PPARGC1A: variants seen among roughly 807,000 people sequenced by gnomAD.
PPARGC1A encodes the protein peroxisome proliferator-activated receptor gamma coactivator 1-alpha.
A neutral mutation model predicts 88.7 loss-of-function variants in PPARGC1A; 25 were observed. The ratio of observed to expected loss-of-function variants is 0.28; its 90% CI spans 0.21 to 0.39. The LOEUF (loss-of-function observed/expected upper bound fraction) is 0.39. PPARGC1A is among the 10% of genes least tolerant of loss of function. The pLI, the probability that PPARGC1A is intolerant of heterozygous loss-of-function variation, is 1.00. For synonymous variants in PPARGC1A, 363 were observed against 355.6 expected, an observed-to-expected ratio of 1.02 and a Z score of -0.24; for missense variants, 880 against 968.7, an observed-to-expected ratio of 0.91 and a Z score of 1.22.
chr4:24,321,001 C>T, the PPARGC1A span, among the ~76,000 whole-genome samples: 1 of 152,106 alleles, frequency 6.6e-6, no homozygotes, highest in Non-Finnish European at 1.5e-5. Flanking sequence ...TTTTCTCTCA[C>T]CGAGTCCCAG....
intron 2 of PPARGC1A, among the ~76,000 whole-genome samples, chr4:23,834,522 A>G (rs1390526629): frequency 1.3e-5 from 2 of 151,734 alleles, no homozygotes; most frequent in Non-Finnish European, 2.9e-5. Context: ...CTAGTTTAGG[A>G]GGCAAATCCT....
the PPARGC1A span, among the ~76,000 whole-genome samples, chr4:24,432,464 GCAAATCAGATAGA>G: frequency 6.6e-6 from 1 of 152,156 alleles, no homozygotes; most frequent in Non-Finnish European, 1.5e-5. Flanking sequence ...AAGACTTAGC[GCAAATCAGATAGA>G]CTGACTTCAT....
chr4:24,164,492 C>A, the PPARGC1A span, among the ~76,000 whole-genome samples: 1 of 152,202 alleles, frequency 6.6e-6, no homozygotes, highest in Admixed American at 6.5e-5. Flanking sequence ...CAGAGACTGA[C>A]AGCTTTGAGC....
chr4:24,219,527 C>T, the PPARGC1A span, among the ~76,000 whole-genome samples: 1 of 152,192 alleles, frequency 6.6e-6, no homozygotes, highest in Non-Finnish European at 1.5e-5. Context: ...AAGATAAAGC[C>T]TCAGGGGAGG....
chr4:24,388,266 T>A, the PPARGC1A span, among the ~76,000 whole-genome samples: 1 of 152,078 alleles, frequency 6.6e-6, no homozygotes, highest in Non-Finnish European at 1.5e-5. Flanking sequence ...AAAACCATAA[T>A]AAGATACCAT....
the PPARGC1A span, among the ~76,000 whole-genome samples, chr4:23,984,982 A>G: frequency 2.6e-3 from 402 of 152,220 alleles, 3 homozygotes; most frequent in African/African-American, 8.9e-3. Flanking sequence ...ACGCAATGCC[A>G]TCTAAGGCTG....
intron 2 of PPARGC1A, 177 bp downstream of exon 2, chr4:23,884,575 C>A: frequency 1.9e-6 from 1 of 520,064 alleles, no homozygotes; most frequent in South Asian, 5.9e-5. Flanking sequence ...AAAATAAAAA[C>A]AAAACATTTG....
the PPARGC1A span, among the ~76,000 whole-genome samples, chr4:23,945,150 C>T: frequency 2.0e-5 from 3 of 152,074 alleles, no homozygotes; most frequent in Admixed American, 6.6e-5. Context: ...CTCTCTATCA[C>T]TCAGATGGAG....
the PPARGC1A span, among the ~76,000 whole-genome samples, chr4:23,915,828 G>A: frequency 2.2e-3 from 340 of 152,250 alleles, 2 homozygotes; most frequent in African/African-American, 7.7e-3. Context: ...AAAATAAAAG[G>A]CACATGCAAA....
chr4:23,821,896 A>T (rs2970853), intron 7 of PPARGC1A, among the ~76,000 whole-genome samples: 2 of 151,754 alleles, frequency 1.3e-5, no homozygotes, highest in Non-Finnish European at 2.9e-5. Flanking sequence ...AAGCTATGCC[A>T]TCTGCTCTTT....
At chr4:24,094,764 G>A in the PPARGC1A span, among the ~76,000 whole-genome samples, 6 of 151,974 alleles carry the variant, frequency 3.9e-5, no homozygotes, top group South Asian at 1.2e-3. Flanking sequence ...TTATTAAACA[G>A]CATAGCTTTT....
chr4:24,018,111 A>C, the PPARGC1A span, among the ~76,000 whole-genome samples: 1 of 152,232 alleles, frequency 6.6e-6, no homozygotes, highest in Admixed American at 6.5e-5. Context: ...AAGAAAATTA[A>C]GGGACTTGGC....
At chr4:24,381,738 A>C in the PPARGC1A span, among the ~76,000 whole-genome samples, 2 of 152,246 alleles carry the variant, frequency 1.3e-5, no homozygotes, top group Admixed American at 6.5e-5. Context: ...GGAATGAATT[A>C]ATTGTTGTCT....
intron 10 of PPARGC1A, among the ~76,000 whole-genome samples, chr4:23,803,558 G>A (rs945112380): frequency 3.9e-5 from 6 of 152,058 alleles, no homozygotes; most frequent in South Asian, 2.1e-4. Flanking sequence ...TTACAGCACA[G>A]AAATGCATTC....
chr4:24,433,266 CTGTA>C, the PPARGC1A span, among the ~76,000 whole-genome samples: 1 of 152,122 alleles, frequency 6.6e-6, no homozygotes, highest in African/African-American at 2.4e-5. Flanking sequence ...ACCACTGTCC[CTGTA>C]TGTTTTATTT....
chr4:24,387,384 T>C, the PPARGC1A span, among the ~76,000 whole-genome samples: 1 of 152,114 alleles, frequency 6.6e-6, no homozygotes. Flanking sequence ...AAAGCCAAAA[T>C]TGACCAATGG....
the PPARGC1A span, among the ~76,000 whole-genome samples, chr4:23,949,679 C>A: frequency 1.3e-5 from 2 of 152,138 alleles, no homozygotes; most frequent in Admixed American, 1.3e-4. Context: ...AAGATGTCTT[C>A]TTCCTCTAGA....
chr4:24,292,248 CGAG>C, the PPARGC1A span, among the ~76,000 whole-genome samples: 5 of 152,068 alleles, frequency 3.3e-5, no homozygotes, highest in Admixed American at 3.3e-4. Flanking sequence ...GCACTGCGAG[CGAG>C]AACTCTCGCG....
At chr4:23,990,303 T>G in the PPARGC1A span, among the ~76,000 whole-genome samples, 1 of 151,174 alleles carries the variant, frequency 6.6e-6, no homozygotes, top group Non-Finnish European at 1.5e-5. Context: ...AATAACAATA[T>G]CAATAATAGT....
Sources: gnomAD v4.1 joint callset for allele counts (sites outside exome capture counted in the v4.1 genomes callset) on GRCh38, gnomAD v4.1.1 for gene constraint, MANE v1.5 for transcripts, NCBI Gene and HGNC (gene_info 2026-07-23, HGNC 2026-07-21) for gene names.